Variants in ZNF737 observed in about 807,000 individuals in gnomAD.
ZNF737 encodes zinc finger protein 737.
ZNF737 carries 13 observed loss-of-function variants against 11.7 expected under a neutral mutation model. The ratio of observed to expected loss-of-function variants is 1.11; its 90% CI spans 0.73 to 1.77. The LOEUF is 1.77. ZNF737 is among the 40% of genes most tolerant of loss of function. ZNF737 has a pLI of 0.00. For synonymous variants in ZNF737, 217 were observed against 216.2 expected (o/e 1.00, Z -0.03); for missense variants, 636 against 638.0 (o/e 1.00, Z 0.03).
Position 20,540,552 on chromosome 19 carries a change from A to C in ZNF737, c.*4040T>G, listed in dbSNP as rs148392362. On this transcript the variant is annotated 3_prime_UTR_variant, in exon 4 of 4. Coordinates refer to ENST00000427401, the MANE Select transcript of ZNF737 (RefSeq NM_001159293.2). ...GAAGCAGGCAGATCATGAGGCCAGG[A>C]GTTTGGGACCAGCCTGGCCAACATG... Among the ~76,000 whole-genome samples the C allele has an allele frequency of 7.9e-5, 12 of 152,252 alleles. No individual in the cohort carries two copies. Among genetic ancestry groups the C allele is most frequent in the Non-Finnish European group, 1.5e-4 (10 of 68,002 alleles).
At chr19:20,532,981 C>T (rs1967866104), downstream of ZNF737, among the ~76,000 whole-genome samples, 1 of 150,100 alleles carries the variant, frequency 6.7e-6, no homozygotes, top group African/African-American at 2.5e-5. Flanking sequence ...ACATCACACA[C>T]TCTTGGAAAT....
At chr19:20,565,098 C>A (rs1199213540) in intron 1 of ZNF737, among the ~76,000 whole-genome samples, 2 of 152,072 alleles carry the variant, frequency 1.3e-5, no homozygotes, top group Non-Finnish European at 2.9e-5. Flanking sequence ...TCACACCCAG[C>A]TAATTTTTGC....
chr19:20,560,026 C>T (rs370875404), intron 1 of ZNF737, among the ~76,000 whole-genome samples: 4 of 151,070 alleles, frequency 2.6e-5, no homozygotes, highest in East Asian at 1.9e-4. Flanking sequence ...ATTAGCCGGG[C>T]GCGGTGGCGG....
intron 3 of ZNF737, among the ~76,000 whole-genome samples, chr19:20,547,338 G>C (rs868969844): frequency 1.4e-5 from 2 of 142,382 alleles, no homozygotes. Context: ...CTGAGATTGC[G>C]TCACTGCACT....
chr19:20,543,228 A>G lies in ZNF737; in HGVS notation c.*1364T>C, dbSNP rs181083170. ...GGGAAAAAAAAGTGTTTCTAAACTT[A>G]ATACATTTGTAGGACTCATCTCCAA... On this transcript the variant is annotated 3_prime_UTR_variant, in exon 4 of 4. Transcript: ENST00000427401. The G allele has an allele frequency of 2.0e-6, 2 of 985,314 alleles. No homozygotes were observed. The highest frequency in any genetic ancestry group is 1.2e-4 in the Admixed American group (2 of 16,282). The allele number at this position is 985,314 out of a possible 1,614,324, so 61.0% of individuals were successfully genotyped here.
At chr19:20,531,110 C>A (rs1338284957), downstream of ZNF737, among the ~76,000 whole-genome samples, 17 of 146,364 alleles carry the variant, frequency 1.2e-4, no homozygotes, top group African/African-American at 4.3e-4. Flanking sequence ...CGCCTGCAAT[C>A]GCAGGCACTC....
chr19:20,540,947 C>T lies in ZNF737; in HGVS notation c.*3645G>A, dbSNP rs1475094392. ...AACAATAAAAATATATCCAATTATTCAATTTTGGTTGAATGTTCATTCAAA... is the reference window on the plus strand; with the variant it reads ...AACAATAAAAATATATCCAATTATTTAATTTTGGTTGAATGTTCATTCAAA... On this transcript the variant is annotated 3_prime_UTR_variant, in exon 4 of 4. Coordinates refer to ENST00000427401, the MANE Select transcript of ZNF737 (RefSeq NM_001159293.2). The T allele has an allele frequency of 7.2e-6, 7 of 976,194 alleles. No individual in the cohort carries two copies. Among genetic ancestry groups the T allele is most frequent in the Non-Finnish European group, 8.5e-6 (7 of 821,840 alleles). 60.5% of individuals were successfully genotyped at this position (976,194 alleles called of 1,614,324 possible). A position where few individuals can be genotyped will look rare whatever the true frequency, so the allele number is the denominator to read the frequency against.
At chr19:20,560,339 C>T (rs1382869458) in intron 1 of ZNF737, among the ~76,000 whole-genome samples, 1 of 151,330 alleles carries the variant, frequency 6.6e-6, no homozygotes, top group Non-Finnish European at 1.5e-5. Context: ...ATAAGGGAGA[C>T]TCTGTCTCCA....
At position 20,542,829 on chromosome 19, in the gene ZNF737, T is replaced by C. The variant is rs1968271764; in HGVS notation, c.*1763A>G. On this transcript the variant is annotated 3_prime_UTR_variant, in exon 4 of 4. Transcript: ENST00000427401. The stretch of plus-strand genomic sequence containing the variant: ...GATGCAGAAGCCACTGATCACATGC[T>C]TTCTCACATGTGAATAGAAATAAAA... The C allele has an allele frequency of 2.0e-6, 2 of 985,068 alleles. No homozygotes were observed. The highest frequency in any genetic ancestry group is 3.5e-5 in the African/African-American group (2 of 57,244). The allele number at this position is 985,068 out of a possible 1,614,324, so 61.0% of individuals were successfully genotyped here. A position where few individuals can be genotyped will look rare whatever the true frequency, so the allele number is the denominator to read the frequency against.
At chr19:20,549,357 C>T (rs1968582811) in intron 3 of ZNF737, among the ~76,000 whole-genome samples, 1 of 152,096 alleles carries the variant, frequency 6.6e-6, no homozygotes, top group Admixed American at 6.6e-5. Flanking sequence ...AGGCCAGAGG[C>T]AGTAGGTCAC....
At chr19:20,553,624 GAATA>G (rs1251312636) in intron 2 of ZNF737, 81 bp downstream of exon 2, 20 of 1,355,590 alleles carry the variant, frequency 1.5e-5, no homozygotes, top group East Asian at 5.0e-5. Context: ...TTTTATAAAA[GAATA>G]AATTACTAAA....
chr19:20,542,039 G>T lies in ZNF737; in HGVS notation c.*2553C>A, dbSNP rs907727665. The T allele has an allele frequency of 1.1e-5, 11 of 984,794 alleles. No homozygotes were observed. In the African/African-American group the frequency reaches 1.9e-4, roughly 17 times the overall value. 61.0% of individuals were successfully genotyped at this position (984,794 alleles called of 1,614,324 possible). ...GGGAACAATATTTAACTCATTTGCA[G>T]TTTAAAGCCACTGACAGTGATTACT... On this transcript the variant is annotated 3_prime_UTR_variant, in exon 4 of 4. Coordinates refer to ENST00000427401, the MANE Select transcript of ZNF737 (RefSeq NM_001159293.2).
Position 20,545,174 on chromosome 19 carries a change from A to G in ZNF737, c.1029T>C (p.Cys343=), listed in dbSNP as rs781805267. Residue 343 remains cysteine, a synonymous_variant, in exon 4 of 4, where the codon TGT becomes TGC. Coordinates refer to ENST00000427401, the MANE Select transcript of ZNF737 (RefSeq NM_001159293.2). ...ACTTAAAGGCTCTGCCACATTCTTC[A>G]CATTTGTAGGGTTTCTCTCCAGTAT... ...RIHTGEKPYK[C]EECGRAFKYF... 6.2e-7 allele frequency: 1 copy of G among 1,613,792 alleles called. No homozygotes were observed. Among genetic ancestry groups the G allele is most frequent in the South Asian group, 1.1e-5 (1 of 91,042 alleles).
chr19:20,553,775 C>T lies in ZNF737; in HGVS notation c.64G>A (p.Asp22Asn), dbSNP rs1968784161. ...CTATATAAATTCCGCTGTGCAGTGT[C>T]CAGGCAATGCCACTCCTCCAGAGAG... ...EFSLEEWHCL[D>N]TAQRNLYRNV... Residue 22 changes from aspartate (D) to asparagine (N), a missense_variant, in exon 2 of 4, where the codon GAC becomes AAC. By Grantham distance (23) the Asp-to-Asn change is conservative. Transcript: ENST00000427401. The T allele has an allele frequency of 1.2e-6, 2 of 1,613,854 alleles. No homozygotes were observed. The highest frequency in any genetic ancestry group is 1.7e-6 in the Non-Finnish European group (2 of 1,179,938).
chr19:20,541,293 A>T lies in ZNF737; in HGVS notation c.*3299T>A. On this transcript the variant is annotated 3_prime_UTR_variant, in exon 4 of 4. Transcript: ENST00000427401. ...AACACTCAATTCATAATTTTCTTAC[A>T]CCTCAGGTTTATCTTCAGAGTAATA... 5.1e-6 allele frequency: 5 copies of T among 984,462 alleles called. No homozygotes were observed. The highest frequency in any genetic ancestry group is 6.0e-6 in the Non-Finnish European group (5 of 829,236). 61.0% of individuals were successfully genotyped at this position (984,462 alleles called of 1,614,324 possible).
chr19:20,531,894 A>G (rs1457958783), downstream of ZNF737, among the ~76,000 whole-genome samples: 7 of 150,500 alleles, frequency 4.7e-5, no homozygotes, highest in African/African-American at 1.7e-4. Context: ...ACATTTATGT[A>G]TACAAAACAT....
chr19:20,545,966 A>G lies in ZNF737; in HGVS notation c.237T>C (p.Ser79=). Residue 79 remains serine, a synonymous_variant, in exon 4 of 4, where the codon TCT becomes TCC. Coordinates refer to ENST00000427401, the MANE Select transcript of ZNF737 (RefSeq NM_001159293.2). ...EMVANPSVTC[S]HFARDLWPEQ... ...CTGGCCAAAGATCTCGGGCAAAATG[A>G]GAACACGTAACTGAAAGAAACAATA... 1 of 1,545,298 alleles carries G rather than the reference A, an allele frequency of 6.5e-7. No homozygotes were observed. The highest frequency in any genetic ancestry group is 1.3e-5 in the South Asian group (1 of 77,936).
Position 20,545,562 on chromosome 19 carries a change from G to C in ZNF737, c.641C>G (p.Ser214Ter). ...EECGKAFNWS[S>*]HLTTHKRIHT... ...AATTCTCTTATGTGTAGTAAGGTGT[G>C]AGGACCAGTTGAAGGCTTTGCCACA... is the stretch of plus-strand genomic sequence containing the variant. The change falls in exon 4 of 4, where the codon TCA becomes TGA. Residue 214 changes from serine to a stop codon, truncating the protein, a stop_gained. Transcript: ENST00000427401. LOFTEE classifies it low-confidence loss of function (END_TRUNC). 6.2e-7 allele frequency: 1 copy of C among 1,613,832 alleles called. No individual in the cohort carries two copies. Among genetic ancestry groups the C allele is most frequent in the Non-Finnish European group, 8.5e-7 (1 of 1,179,878 alleles).
chr19:20,536,465 G>A (rs782309990), downstream of ZNF737, among the ~76,000 whole-genome samples: 4 of 152,040 alleles, frequency 2.6e-5, no homozygotes, highest in Non-Finnish European at 5.9e-5. Flanking sequence ...CTTTATATCA[G>A]TGAAAAACAG....
Sources: gnomAD v4.1 joint callset for allele counts (sites outside exome capture counted in the v4.1 genomes callset) on GRCh38, gnomAD v4.1.1 for gene constraint, MANE v1.5 for transcripts, NCBI Gene and HGNC (gene_info 2026-07-23, HGNC 2026-07-21) for gene names.